The following SAMHD1 variants were observed in gnomAD, a reference collection of about 807,000 sequenced individuals.
SAMHD1 encodes SAM and HD domain containing deoxynucleoside triphosphate triphosphohydrolase 1.
In SAMHD1, 54 loss-of-function variants were observed where a neutral mutation model predicts 79.6. That is an observed-to-expected ratio of 0.68 (90% confidence interval 0.55 to 0.85). The LOEUF is 0.85. Among genes scored for constraint, SAMHD1 ranks in the 40% least tolerant of loss-of-function variants. The pLI is 0.00. For synonymous variants in SAMHD1, 260 were observed against 264.1 expected, an observed-to-expected ratio of 0.98 and a Z score of 0.15; for missense variants, 663 against 782.7, an observed-to-expected ratio of 0.85 and a Z score of 1.82.
At chr20:36,949,379 C>T (rs1023460519) in intron 1 of SAMHD1, among the ~76,000 whole-genome samples, 1 of 150,372 alleles carries the variant, frequency 6.7e-6, no homozygotes, top group African/African-American at 2.4e-5. Flanking sequence ...TTTAGGAGGC[C>T]GAGGTGGGTG....
intron 15 of SAMHD1, among the ~76,000 whole-genome samples, chr20:36,897,233 C>A (rs536930633): frequency 2.6e-4 from 40 of 152,334 alleles, no homozygotes; most frequent in Non-Finnish European, 4.7e-4. Context: ...CACTGTTGCC[C>A]TGCATGCCAA....
At chr20:36,926,673 A>G (rs1303457531) in intron 6 of SAMHD1, among the ~76,000 whole-genome samples, 4 of 152,214 alleles carry the variant, frequency 2.6e-5, no homozygotes, top group Admixed American at 2.6e-4. Context: ...CCAGAAATAC[A>G]GTGTAGTAAA....
chr20:36,933,094 T>A (rs1397343538), intron 4 of SAMHD1, among the ~76,000 whole-genome samples: 4 of 152,176 alleles, frequency 2.6e-5, no homozygotes, highest in Non-Finnish European at 5.9e-5. Flanking sequence ...TTGGTAGGGC[T>A]TAGTAAGGTT....
At chr20:36,935,556 T>C (rs1568779570) in intron 3 of SAMHD1, among the ~76,000 whole-genome samples, 1 of 152,044 alleles carries the variant, frequency 6.6e-6, no homozygotes, top group South Asian at 2.1e-4. Flanking sequence ...CATATCACTA[T>C]AGGTATTATG....
intron 1 of SAMHD1, among the ~76,000 whole-genome samples, chr20:36,949,793 A>G (rs1459623587): frequency 6.6e-6 from 1 of 151,672 alleles, no homozygotes; most frequent in Non-Finnish European, 1.5e-5. Context: ...TCCAACAGAA[A>G]AAGGGTCTTC....
chr20:36,945,423 G>A (rs1247022202), intron 2 of SAMHD1, among the ~76,000 whole-genome samples: 1 of 152,122 alleles, frequency 6.6e-6, no homozygotes, highest in Non-Finnish European at 1.5e-5. Flanking sequence ...GGAAAACCTA[G>A]AAATATGCTC....
chr20:36,924,822 G>A (rs914262543), intron 6 of SAMHD1, among the ~76,000 whole-genome samples: 14 of 151,946 alleles, frequency 9.2e-5, no homozygotes, highest in Admixed American at 7.2e-4. Context: ...TAAATGTTGG[G>A]GTTGGTATTA....
chr20:36,907,317 G>T (rs866405706), intron 11 of SAMHD1, among the ~76,000 whole-genome samples: 6 of 151,036 alleles, frequency 4.0e-5, no homozygotes, highest in Middle Eastern at 3.5e-3. Flanking sequence ...GGAGTGAAGT[G>T]GCACGTGATC....
intron 11 of SAMHD1, among the ~76,000 whole-genome samples, chr20:36,908,022 C>T (rs2063415095): frequency 6.6e-6 from 1 of 150,504 alleles, no homozygotes; most frequent in Non-Finnish European, 1.5e-5. Context: ...CTACAGGCAC[C>T]CGCCAGCACG....
chr20:36,893,142 A>G, intron 15 of SAMHD1, 76 bp from the exon 16 acceptor site: 1 of 1,548,654 alleles, frequency 6.5e-7, no homozygotes, highest in South Asian at 1.1e-5. Context: ...TGAAAGTCTC[A>G]AGTGCGCACA....
intron 5 of SAMHD1, among the ~76,000 whole-genome samples, chr20:36,929,878 G>GA (rs1034760490): frequency 4.0e-5 from 6 of 151,374 alleles, no homozygotes; most frequent in East Asian, 1.9e-4. Context: ...TTATAAATAT[G>GA]AAAAAAAATG....
rs71186089 is a variant in SAMHD1 at position 36,912,889 on chromosome 20, GTTTTTTTTTTTT to G, written c.1063-349_1063-338del. Reference sequence around the variant, plus strand: ...TGTACCCAGCTAACTTTCATTCTTTGTTTTTTTTTTTTTTTTTTTTTTTTTTGAGATGGAGTC... The same window carrying G: ...TGTACCCAGCTAACTTTCATTCTTTGTTTTTTTTTTTTTTGAGATGGAGTC... On this transcript the variant is annotated intron_variant, in intron 9 of 15. Transcript: ENST00000646673. Among the ~76,000 whole-genome samples, 3 of 41,104 alleles carry G rather than the reference GTTTTTTTTTTTT, an allele frequency of 7.3e-5. 1 individual carries two copies. The East Asian group carries it at 2.5e-3, about 35-fold the overall frequency. The allele number at this position is 41,104 out of a possible 152,430, so 27.0% of individuals were successfully genotyped here. A position where few individuals can be genotyped will look rare whatever the true frequency, so the allele number is the denominator to read the frequency against.
intron 6 of SAMHD1, 63 bp from the exon 7 acceptor site, chr20:36,919,582 C>G (rs752437399): frequency 7.0e-7 from 1 of 1,429,580 alleles, no homozygotes; most frequent in Non-Finnish European, 9.8e-7. Flanking sequence ...CCCTGACTAA[C>G]AAAATTATCC....
chr20:36,902,827 T>G lies in SAMHD1; in HGVS notation c.1503+1330A>C, dbSNP rs562446681. Among the ~76,000 whole-genome samples, 677 of 149,386 alleles carry G rather than the reference T, an allele frequency of 4.5e-3. 8 individuals are homozygous for G. Among genetic ancestry groups the G allele is most frequent in the Non-Finnish European group, 6.6e-3 (439 of 66,920 alleles). On this transcript the variant is annotated intron_variant, in intron 13 of 15. Coordinates refer to ENST00000646673, the MANE Select transcript of SAMHD1 (RefSeq NM_015474.4). ...ATCTCGGCTCACTGCAACCTCTGCC[T>G]TCTGGGTTCAAGCAATTCTCCTGCC...
At chr20:36,904,532 CAT>C (rs1324108601) in intron 12 of SAMHD1, 3 of 379,326 alleles carry the variant, frequency 7.9e-6, no homozygotes, top group Non-Finnish European at 1.5e-5. Flanking sequence ...GCCTGACCGA[CAT>C]GGTGAAACCC....
At chr20:36,918,822 AAAG>A in intron 7 of SAMHD1, among the ~76,000 whole-genome samples, 1 of 147,170 alleles carries the variant, frequency 6.8e-6, no homozygotes, top group African/African-American at 2.6e-5. Flanking sequence ...AAAAAAAAAA[AAAG>A]AAAGAAAGAA....
chr20:36,935,237 C>T, intron 3 of SAMHD1, 48 bp from the exon 4 acceptor site: 1 of 1,502,042 alleles, frequency 6.7e-7, no homozygotes, highest in Non-Finnish European at 9.3e-7. Context: ...GTAAGTCCAA[C>T]TGAAATTTGT....
At chr20:36,905,995 T>A (rs1266992163) in intron 11 of SAMHD1, among the ~76,000 whole-genome samples, 1 of 151,048 alleles carries the variant, frequency 6.6e-6, no homozygotes, top group African/African-American at 2.4e-5. Flanking sequence ...AAAGTTCCTG[T>A]CAATGTCTTG....
Position 36,911,569 on chromosome 20 carries a change from A to G in SAMHD1, c.1155-236T>C, listed in dbSNP as rs1484056816. The G allele has an allele frequency of 2.5e-5, 12 of 478,384 alleles. No individual in the cohort carries two copies. In the East Asian group the frequency reaches 4.7e-4, roughly 19 times the overall value. The allele number at this position is 478,384 out of a possible 1,614,324, so 29.6% of individuals were successfully genotyped here. A position where few individuals can be genotyped will look rare whatever the true frequency, so the allele number is the denominator to read the frequency against. The stretch of plus-strand genomic sequence containing the variant: ...ATTCACCATCTTATTTATTCCTCCC[A>G]ACAATAAGGTAGGTGTATTCAGCCC... On this transcript the variant is annotated intron_variant, in intron 10 of 15. Coordinates refer to ENST00000646673, the MANE Select transcript of SAMHD1 (RefSeq NM_015474.4).
Sources: allele counts gnomAD v4.1 joint callset (sites outside exome capture counted in the v4.1 genomes callset), GRCh38; gene constraint gnomAD v4.1.1; transcripts MANE v1.5; gene names NCBI Gene and HGNC (gene_info 2026-07-23, HGNC 2026-07-21).